BMPR1A: variants seen among roughly 807,000 people sequenced by gnomAD.
BMPR1A encodes bone morphogenetic protein receptor type 1A.
Under a neutral mutation model 66.0 loss-of-function variants are expected in BMPR1A, and 7 were observed. That is an observed-to-expected ratio of 0.11 (90% CI 0.06 to 0.20). BMPR1A has a LOEUF of 0.20. Ranked by LOEUF, BMPR1A falls within the 10% of genes least tolerant of loss-of-function variation. The pLI, the probability that BMPR1A is intolerant of heterozygous loss-of-function variation, is 1.00. For synonymous variants in BMPR1A, 200 were observed against 229.7 expected (o/e 0.87, Z 1.17); for missense variants, 408 against 669.1 (o/e 0.61, Z 4.31).
intron 2 of BMPR1A, among the ~76,000 whole-genome samples, chr10:86,839,816 C>T (rs1228642499): frequency 6.6e-6 from 1 of 151,860 alleles, no homozygotes; most frequent in Non-Finnish European, 1.5e-5. Flanking sequence ...CATCACCATG[C>T]CCAGCTAATT....
At chr10:86,833,798 G>GT (rs1443633901) in intron 1 of BMPR1A, among the ~76,000 whole-genome samples, 1 of 152,180 alleles carries the variant, frequency 6.6e-6, no homozygotes, top group Non-Finnish European at 1.5e-5. Context: ...AGTAAATGAT[G>GT]TATCTGTTCC....
At chr10:86,818,252 C>T (rs958011358) in intron 1 of BMPR1A, among the ~76,000 whole-genome samples, 4 of 152,138 alleles carry the variant, frequency 2.6e-5, no homozygotes, top group African/African-American at 9.7e-5. Context: ...CTCCTGACCT[C>T]GTGATCTGCC....
At chr10:86,809,622 C>CTTTTTTA (rs1841941659) in intron 1 of BMPR1A, among the ~76,000 whole-genome samples, 1 of 79,210 alleles carries the variant, frequency 1.3e-5, no homozygotes. Context: ...TCTCTTTTTT[C>CTTTTTTA]TTTTTTTAAG....
intron 2 of BMPR1A, among the ~76,000 whole-genome samples, chr10:86,845,408 C>A (rs1050015230): frequency 6.6e-6 from 1 of 152,128 alleles, no homozygotes; most frequent in Non-Finnish European, 1.5e-5. Context: ...AAGGTTGCTC[C>A]GTGAGCTTTA....
intron 1 of BMPR1A, among the ~76,000 whole-genome samples, chr10:86,837,991 G>C (rs1327714798): frequency 1.3e-5 from 2 of 152,178 alleles, no homozygotes; most frequent in Admixed American, 1.3e-4. Context: ...TGAAGACAAG[G>C]TATTTGACCT....
intron 7 of BMPR1A, among the ~76,000 whole-genome samples, chr10:86,903,513 A>T (rs919077201): frequency 6.6e-6 from 1 of 151,990 alleles, no homozygotes; most frequent in African/African-American, 2.4e-5. Context: ...CCTAATATAG[A>T]TATAATTGGA....
At chr10:86,846,600 C>G (rs1286889313) in intron 2 of BMPR1A, among the ~76,000 whole-genome samples, 1 of 152,076 alleles carries the variant, frequency 6.6e-6, no homozygotes, top group East Asian at 1.9e-4. Context: ...ACTCGGGAGG[C>G]TGAGGCAGGA....
At chr10:86,759,740 C>T (rs192620911) in intron 1 of BMPR1A, among the ~76,000 whole-genome samples, 2 of 152,232 alleles carry the variant, frequency 1.3e-5, no homozygotes, top group East Asian at 3.9e-4. Context: ...TCATTTTAGA[C>T]TGGGATTATC....
intron 3 of BMPR1A, among the ~76,000 whole-genome samples, chr10:86,885,364 C>T (rs1375132247): frequency 6.6e-6 from 1 of 152,090 alleles, no homozygotes; most frequent in Non-Finnish European, 1.5e-5. Flanking sequence ...TGCATTGTGT[C>T]GGCAGAATTG....
intron 8 of BMPR1A, among the ~76,000 whole-genome samples, chr10:86,914,138 A>G (rs551163362): frequency 3.9e-5 from 6 of 152,074 alleles, no homozygotes; most frequent in Non-Finnish European, 7.4e-5. Context: ...AAACAAAAAG[A>G]TGCCCAAGTA....
chr10:86,762,650 C>T (rs572164519), intron 1 of BMPR1A, among the ~76,000 whole-genome samples: 35 of 152,228 alleles, frequency 2.3e-4, no homozygotes, highest in African/African-American at 7.0e-4. Flanking sequence ...TGAGCCACTG[C>T]GCCTGGCCAG....
chr10:86,920,924 C>T (rs1264147564), intron 10 of BMPR1A, among the ~76,000 whole-genome samples: 7 of 141,704 alleles, frequency 4.9e-5, no homozygotes, highest in East Asian at 2.0e-4. Context: ...GGCATGGTCT[C>T]GGCTCACTGC....
intron 8 of BMPR1A, among the ~76,000 whole-genome samples, chr10:86,913,098 CTCT>C (rs1041620798): frequency 2.6e-5 from 4 of 151,850 alleles, no homozygotes; most frequent in African/African-American, 9.7e-5. Flanking sequence ...AGAAACTGAT[CTCT>C]TCTTATTTTA....
chr10:86,912,204 AT>A, intron 7 of BMPR1A, 35 bp from the exon 8 acceptor site: 2 of 1,609,682 alleles, frequency 1.2e-6, no homozygotes, highest in Non-Finnish European at 1.7e-6. Context: ...ATAGTTTTTC[AT>A]TTTTAATGTA....
At chr10:86,912,203 C>G in intron 7 of BMPR1A, 37 bp from the exon 8 acceptor site, 1 of 1,608,966 alleles carries the variant, frequency 6.2e-7, no homozygotes, top group Non-Finnish European at 8.5e-7. Flanking sequence ...TATAGTTTTT[C>G]ATTTTTAATG....
intron 1 of BMPR1A, among the ~76,000 whole-genome samples, chr10:86,758,356 A>G (rs1237015491): frequency 7.1e-6 from 1 of 140,394 alleles, no homozygotes; most frequent in Non-Finnish European, 1.5e-5. Context: ...ACCTTCCGTC[A>G]AAGAGGGAGA....
chr10:86,837,604 G>A (rs1454245540), intron 1 of BMPR1A, among the ~76,000 whole-genome samples: 1 of 152,132 alleles, frequency 6.6e-6, no homozygotes, highest in East Asian at 1.9e-4. Flanking sequence ...AAGATTATGA[G>A]CATCTCAGAA....
chr10:86,855,967 A>G (rs571884271), intron 2 of BMPR1A: 274 of 627,180 alleles, frequency 4.4e-4, no homozygotes, highest in South Asian at 3.4e-3. Flanking sequence ...TCTTTTCCAG[A>G]ATGGCCACTT....
intron 2 of BMPR1A, chr10:86,854,734 C>T (rs1589747741): frequency 8.7e-6 from 2 of 230,836 alleles, no homozygotes; most frequent in South Asian, 1.6e-4. Flanking sequence ...TCATCCAAAA[C>T]GTATCATCCT....
Sources: gnomAD v4.1 joint callset for allele counts (sites outside exome capture counted in the v4.1 genomes callset) on GRCh38, gnomAD v4.1.1 for gene constraint, MANE v1.5 for transcripts, NCBI Gene and HGNC (gene_info 2026-07-23, HGNC 2026-07-21) for gene names.